TSPEAR: variants seen among roughly 807,000 people sequenced by gnomAD.
TSPEAR encodes the protein thrombospondin-type laminin G domain and EAR repeat-containing protein.
Under a neutral mutation model 71.6 loss-of-function variants are expected in TSPEAR, and 69 were observed. The observed-to-expected ratio is 0.96, with a 90% confidence interval of 0.79 to 1.18. TSPEAR has a LOEUF of 1.18. TSPEAR is among the 50% of genes most tolerant of loss of function. The pLI, the probability that TSPEAR is intolerant of heterozygous loss-of-function variation, is 0.00. For synonymous variants in TSPEAR, 402 were observed against 387.2 expected (o/e 1.04, Z -0.45); for missense variants, 971 against 894.9 (o/e 1.09, Z -1.09).
chr21:44,608,743 G>C (rs1555930284), intron 1 of TSPEAR, among the ~76,000 whole-genome samples: 2 of 152,166 alleles, frequency 1.3e-5, no homozygotes, highest in African/African-American at 4.8e-5. Context: ...ACCTCATTTT[G>C]TAAAGATACA....
chr21:44,627,410 G>A (rs1982896418), intron 1 of TSPEAR: 3 of 1,613,708 alleles, frequency 1.9e-6, no homozygotes, highest in Non-Finnish European at 2.5e-6. Flanking sequence ...CCCTCGTGCT[G>A]CCAGCAGTCT....
chr21:44,510,380 G>A (rs782758542), intron 9 of TSPEAR, among the ~76,000 whole-genome samples: 8 of 152,164 alleles, frequency 5.3e-5, no homozygotes, highest in African/African-American at 1.7e-4. Context: ...TTGCACCACC[G>A]GGCCAGGTAA....
chr21:44,513,905 G>A (rs896464893), intron 9 of TSPEAR, among the ~76,000 whole-genome samples: 6 of 152,150 alleles, frequency 3.9e-5, no homozygotes, highest in Non-Finnish European at 5.9e-5. Flanking sequence ...AGCATCCCGG[G>A]TGGCCATGGG....
intron 10 of TSPEAR, 104 bp from the exon 11 acceptor site, chr21:44,504,985 C>T: frequency 1.2e-6 from 1 of 807,944 alleles, no homozygotes; most frequent in Non-Finnish European, 2.1e-6. Flanking sequence ...GGAGCCGGGG[C>T]CAAAGTGGGG....
chr21:44,523,423 G>A (rs1204734469), intron 8 of TSPEAR, among the ~76,000 whole-genome samples: 1 of 151,882 alleles, frequency 6.6e-6, no homozygotes, highest in Non-Finnish European at 1.5e-5. Context: ...AGGTAGTCAG[G>A]TAGTTAGTCA....
intron 1 of TSPEAR, among the ~76,000 whole-genome samples, chr21:44,631,704 T>TGACA (rs2146210092): frequency 6.6e-6 from 1 of 152,242 alleles, no homozygotes; most frequent in African/African-American, 2.4e-5. Flanking sequence ...CCAGCCTGAA[T>TGACA]GACAGAGTGA....
intron 1 of TSPEAR, among the ~76,000 whole-genome samples, chr21:44,621,204 T>G (rs1982409267): frequency 6.6e-6 from 1 of 152,222 alleles, no homozygotes; most frequent in Non-Finnish European, 1.5e-5. Flanking sequence ...AGTCCTCTAT[T>G]TCCTTATTGA....
At chr21:44,668,167 C>T (rs56008135) in intron 1 of TSPEAR, among the ~76,000 whole-genome samples, 5,796 of 152,218 alleles carry the variant, frequency 0.038, 124 homozygotes, top group Middle Eastern at 0.085. Context: ...TCTAAATATT[C>T]CACACACAAA....
chr21:44,562,288 CTCT>C (rs2053647381), intron 2 of TSPEAR, among the ~76,000 whole-genome samples: 1 of 152,106 alleles, frequency 6.6e-6, no homozygotes, highest in Admixed American at 6.5e-5. Flanking sequence ...TGTGAAGGAG[CTCT>C]TCAAGGAGAA....
Position 44,522,017 on chromosome 21 carries a change from C to T in TSPEAR, c.1432G>A (p.Asp478Asn), listed in dbSNP as rs149343403. 9.3e-6 allele frequency: 15 copies of T among 1,614,040 alleles called. No homozygotes were observed. Among genetic ancestry groups the T allele is most frequent in the South Asian group, 3.3e-5 (3 of 91,078 alleles). Residue 478 changes from aspartate to asparagine, a missense_variant, in exon 9 of 12, where the codon GAC becomes AAC. Physicochemically the swap from Asp to Asn is conservative, Grantham distance 23 (BLOSUM62 1). Transcript: ENST00000323084. The part of the protein sequence containing the change: ...NQTIATSGAY[D>N]WEFFSVGPYS... Reference sequence around the variant, plus strand: ...GGCCCCACACTGAAGAACTCCCAGTCGTAGGCGCCGGAGGTGGCGATGGTC... The same window carrying T: ...GGCCCCACACTGAAGAACTCCCAGTTGTAGGCGCCGGAGGTGGCGATGGTC...
intron 1 of TSPEAR, chr21:44,666,677 G>T: frequency 6.2e-7 from 1 of 1,613,290 alleles, no homozygotes; most frequent in South Asian, 1.1e-5. Context: ...CAGCTGACTT[G>T]AAGCTCATGG....
chr21:44,677,267 C>T, intron 1 of TSPEAR: 1 of 739,792 alleles, frequency 1.4e-6, no homozygotes, highest in Non-Finnish European at 2.4e-6. Context: ...CATCTACTGC[C>T]TTTCTGTGTT....
intron 1 of TSPEAR, among the ~76,000 whole-genome samples, chr21:44,596,543 G>T (rs1345837033): frequency 7.2e-5 from 11 of 152,202 alleles, no homozygotes; most frequent in African/African-American, 2.7e-4. Flanking sequence ...AGTGATTCAG[G>T]CTTAAAGGCA....
intron 1 of TSPEAR, among the ~76,000 whole-genome samples, chr21:44,622,830 G>A (rs587665096): frequency 6.6e-6 from 1 of 152,326 alleles, no homozygotes; most frequent in East Asian, 1.9e-4. Flanking sequence ...ATGTTGAAAT[G>A]TGATCTCCAC....
intron 11 of TSPEAR, among the ~76,000 whole-genome samples, chr21:44,503,345 A>T (rs1191999240): frequency 7.0e-6 from 1 of 142,540 alleles, no homozygotes; most frequent in Non-Finnish European, 1.5e-5. Flanking sequence ...CTCGGGGGGA[A>T]GCAAGGCTCT....
At chr21:44,509,148 T>C in intron 10 of TSPEAR, 51 bp downstream of exon 10, 2 of 1,576,584 alleles carry the variant, frequency 1.3e-6, no homozygotes, top group East Asian at 2.3e-5. Flanking sequence ...TCCGACATGG[T>C]GGGCCTCCCA....
chr21:44,628,395 C>A, intron 1 of TSPEAR: 2 of 329,872 alleles, frequency 6.1e-6, no homozygotes. Context: ...TCCGTGCTGA[C>A]TCTCCGCACC....
At chr21:44,644,184 C>A (rs1475673795) in intron 1 of TSPEAR, among the ~76,000 whole-genome samples, 2 of 152,204 alleles carry the variant, frequency 1.3e-5, no homozygotes, top group African/African-American at 4.8e-5. Context: ...AGCTGCCCTG[C>A]TGGCCCCCAG....
intron 1 of TSPEAR, chr21:44,580,293 G>A: frequency 1.2e-6 from 2 of 1,613,614 alleles, no homozygotes; most frequent in Non-Finnish European, 1.7e-6. Context: ...CAGCACACAG[G>A]CTTGCAGCAG....
Sources: gnomAD v4.1 joint callset for allele counts (sites outside exome capture counted in the v4.1 genomes callset) on GRCh38, gnomAD v4.1.1 for gene constraint, MANE v1.5 for transcripts, NCBI Gene and HGNC (gene_info 2026-07-23, HGNC 2026-07-21) for gene names.